The following KCNH7 variants were observed in gnomAD, a reference collection of about 807,000 sequenced individuals.
KCNH7 encodes the protein voltage-gated inwardly rectifying potassium channel KCNH7.
KCNH7 carries 49 observed loss-of-function variants against 120.8 expected under a neutral mutation model. That is an observed-to-expected ratio of 0.41 (90% confidence interval 0.32 to 0.51). The LOEUF is 0.51. Ranked by LOEUF, KCNH7 falls within the 20% of genes least tolerant of loss-of-function variation. The probability of loss-of-function intolerance (pLI) is 0.38; values close to 1 mark genes in which losing one functional copy is unlikely to be tolerated. For missense variants in KCNH7, 1,097 were observed against 1,446.6 expected (o/e 0.76, Z 3.92); for synonymous variants, 547 against 516.1 (o/e 1.06, Z -0.81).
At chr2:162,424,607 A>G (rs75835967) in intron 8 of KCNH7, among the ~76,000 whole-genome samples, 2,013 of 152,266 alleles carry the variant, frequency 0.013, 49 homozygotes, top group African/African-American at 0.046. Context: ...TTTTCCCTCA[A>G]ACAAATTTTA....
At chr2:162,561,632 C>G (rs1026944400) in intron 2 of KCNH7, among the ~76,000 whole-genome samples, 24 of 152,286 alleles carry the variant, frequency 1.6e-4, no homozygotes, top group African/African-American at 5.8e-4. Context: ...TTGGATTTCT[C>G]TAATGACCAG....
At chr2:162,501,496 A>G (rs1033545665) in intron 6 of KCNH7, among the ~76,000 whole-genome samples, 2 of 152,074 alleles carry the variant, frequency 1.3e-5, no homozygotes, top group Non-Finnish European at 2.9e-5. Flanking sequence ...CTCAGTGGTA[A>G]GTAGTCATCT....
intron 4 of KCNH7, among the ~76,000 whole-genome samples, chr2:162,515,712 A>G (rs1377985817): frequency 6.6e-6 from 1 of 151,806 alleles, no homozygotes. Flanking sequence ...GTCAGGAAAT[A>G]TTGAGCCTGC....
chr2:162,675,184 ATATAT>A (rs1306377980), intron 2 of KCNH7, among the ~76,000 whole-genome samples: 10 of 151,614 alleles, frequency 6.6e-5, no homozygotes, highest in African/African-American at 1.7e-4. Flanking sequence ...CAAACAAATG[ATATAT>A]TATATATGAT....
intron 2 of KCNH7, among the ~76,000 whole-genome samples, chr2:162,651,655 A>G (rs1466366337): frequency 6.6e-6 from 1 of 152,188 alleles, no homozygotes; most frequent in Non-Finnish European, 1.5e-5. Context: ...AGAGTGCTGC[A>G]ATGAACATTT....
At chr2:162,744,500 C>A (rs1165120818) in intron 2 of KCNH7, among the ~76,000 whole-genome samples, 1 of 151,824 alleles carries the variant, frequency 6.6e-6, no homozygotes, top group Non-Finnish European at 1.5e-5. Flanking sequence ...GTTCTCAAAA[C>A]CACATTCTCA....
chr2:162,395,213 A>G (rs555102317), intron 11 of KCNH7, among the ~76,000 whole-genome samples: 38 of 151,924 alleles, frequency 2.5e-4, no homozygotes, highest in African/African-American at 8.9e-4. Context: ...ATTTTCAACT[A>G]TACAAGGATT....
chr2:162,664,376 T>C (rs1404500033), intron 2 of KCNH7, among the ~76,000 whole-genome samples: 2 of 152,174 alleles, frequency 1.3e-5, no homozygotes, highest in African/African-American at 4.8e-5. Context: ...TTACCATTTA[T>C]TGGATAACTG....
chr2:162,482,593 C>G (rs1689964944), intron 6 of KCNH7, among the ~76,000 whole-genome samples: 1 of 152,104 alleles, frequency 6.6e-6, no homozygotes, highest in Non-Finnish European at 1.5e-5. Flanking sequence ...GCAAACAATG[C>G]TAGCACTTTA....
chr2:162,828,834 C>T (rs1273983284), intron 2 of KCNH7, among the ~76,000 whole-genome samples: 1 of 152,126 alleles, frequency 6.6e-6, no homozygotes, highest in Non-Finnish European at 1.5e-5. Context: ...CCCTTGAATT[C>T]CTGCCCACTG....
chr2:162,450,922 G>A (rs1286686831), intron 6 of KCNH7, among the ~76,000 whole-genome samples: 1 of 151,966 alleles, frequency 6.6e-6, no homozygotes. Flanking sequence ...ATATATTTGA[G>A]AATAGATACA....
chr2:162,446,387 G>A lies in KCNH7; in HGVS notation c.1185C>T (p.Ile395=). 6.2e-7 allele frequency: 1 copy of A among 1,613,598 alleles called. No individual in the cohort carries two copies. Among genetic ancestry groups the A allele is most frequent in the African/African-American group, 1.3e-5 (1 of 75,014 alleles). ...TGTAGTGCAATATCGTAAACTTGTT[G>A]ATGCGTGGTGTCTGCAGTTTGTATT... The part of the protein sequence containing the change: ...LPEYKLQTPR[I]NKFTILHYSP... The change falls in exon 7 of 16, where the codon ATC becomes ATT. Residue 395 remains isoleucine, a synonymous_variant. Transcript: ENST00000332142.
intron 2 of KCNH7, among the ~76,000 whole-genome samples, chr2:162,678,291 C>T (rs1021521348): frequency 6.6e-6 from 1 of 151,254 alleles, no homozygotes; most frequent in African/African-American, 2.4e-5. Context: ...TGTACAAGCT[C>T]AATACATGAT....
intron 6 of KCNH7, among the ~76,000 whole-genome samples, chr2:162,463,332 C>T (rs1057016255): frequency 6.6e-6 from 1 of 151,906 alleles, no homozygotes; most frequent in Non-Finnish European, 1.5e-5. Flanking sequence ...CCTTCCCTCT[C>T]TCCTTTTCCT....
chr2:162,469,558 G>A (rs1333071089), intron 6 of KCNH7, among the ~76,000 whole-genome samples: 2 of 152,192 alleles, frequency 1.3e-5, no homozygotes, highest in African/African-American at 4.8e-5. Context: ...GAAATGATAT[G>A]CTTTTTAGAA....
chr2:162,440,135 A>AT (rs1688376040), intron 7 of KCNH7, among the ~76,000 whole-genome samples: 1 of 151,694 alleles, frequency 6.6e-6, no homozygotes, highest in African/African-American at 2.4e-5. Context: ...ATTGTACCTT[A>AT]TTTTTTAGTA....
At chr2:162,488,300 AT>A (rs968122207) in intron 6 of KCNH7, among the ~76,000 whole-genome samples, 6 of 152,072 alleles carry the variant, frequency 3.9e-5, no homozygotes, top group African/African-American at 1.4e-4. Flanking sequence ...TTTCAACCTG[AT>A]TTTTTGTCCA....
At chr2:162,466,766 A>C (rs1270386482) in intron 6 of KCNH7, among the ~76,000 whole-genome samples, 1 of 152,218 alleles carries the variant, frequency 6.6e-6, no homozygotes, top group East Asian at 1.9e-4. Context: ...CTCAGCTAAA[A>C]TACTCAAAAG....
Position 162,518,069 on chromosome 2 carries a change from T to C in KCNH7, c.553A>G (p.Ile185Val), listed in dbSNP as rs1333239153. 25 of 1,612,444 alleles carry C rather than the reference T, an allele frequency of 1.6e-5. No homozygotes were observed. Among genetic ancestry groups the C allele is most frequent in the Middle Eastern group, 1.7e-4 (1 of 6,050 alleles). ...LPQEDPDVVV[I>V]DSSKHSDDSV... ...TCATCACTGTGTTTAGATGAATCGA[T>C]GACCACCACATCGGGGTCTTCTTGT... The change falls in exon 4 of 16, where the codon ATC becomes GTC. Residue 185 changes from isoleucine (I) to valine (V), a missense_variant. Ile to Val is a conservative substitution (Grantham distance 29). This residue lies in a region of KCNH7 where 362 missense variants were observed against 372.2 expected (regional missense o/e 0.97). Transcript: ENST00000332142.
Sources: gnomAD v4.1 joint callset for allele counts (sites outside exome capture counted in the v4.1 genomes callset) on GRCh38, gnomAD v4.1.1 for gene constraint, gnomAD v4.1.1 regional missense constraint, MANE v1.5 for transcripts, NCBI Gene and HGNC (gene_info 2026-07-23, HGNC 2026-07-21) for gene names.